Variants in NCAM2 observed in about 807,000 individuals in gnomAD.
NCAM2 encodes the protein N-CAM-2.
Under a neutral mutation model 98.1 loss-of-function variants are expected in NCAM2, and 30 were observed. That is an observed-to-expected ratio of 0.31 (90% CI 0.23 to 0.41). The LOEUF (loss-of-function observed/expected upper bound fraction) is 0.41. NCAM2 is among the 10% of genes least tolerant of loss of function. The pLI, the probability that NCAM2 is intolerant of heterozygous loss-of-function variation, is 1.00. For synonymous variants in NCAM2, 368 were observed against 342.4 expected (o/e 1.07, Z -0.83); for missense variants, 867 against 1,005.8 (o/e 0.86, Z 1.87).
chr21:21,410,116 G>A (rs2076825670), intron 9 of NCAM2, among the ~76,000 whole-genome samples, 158 bp from the exon 10 acceptor site: 1 of 151,702 alleles, frequency 6.6e-6, no homozygotes, highest in Non-Finnish European at 1.5e-5. Context: ...CTGGGCGACA[G>A]GGCGAGACTC....
At chr21:21,151,319 G>A (rs1032437925) in intron 1 of NCAM2, among the ~76,000 whole-genome samples, 2 of 151,918 alleles carry the variant, frequency 1.3e-5, no homozygotes, top group African/African-American at 4.8e-5. Context: ...TGTGCACAAC[G>A]TGCATGTTTG....
intron 15 of NCAM2, among the ~76,000 whole-genome samples, chr21:21,490,221 T>TA (rs199715907): frequency 2.1e-4 from 32 of 149,912 alleles, no homozygotes; most frequent in East Asian, 1.9e-4. Context: ...TCTGTAAAAC[T>TA]AAAAAAAAAC....
chr21:21,523,333 T>G lies in NCAM2; in HGVS notation c.2283-11204T>G, dbSNP rs1447920809. Among the ~76,000 whole-genome samples the G allele has an allele frequency of 4.6e-5, 7 of 151,904 alleles. No individual in the cohort carries two copies. In the East Asian group the frequency reaches 1.4e-3, roughly 29 times the overall value. On this transcript the variant is annotated intron_variant, in intron 16 of 17. Transcript: ENST00000400546. ...GTTTCACGGGTTCAGATCTTAGACT[T>G]AAGTCTCTAATCAATTTTGATTTGA...
chr21:21,029,776 G>C (rs117367734), intron 1 of NCAM2, among the ~76,000 whole-genome samples: 1 of 151,818 alleles, frequency 6.6e-6, no homozygotes, highest in Non-Finnish European at 1.5e-5. Flanking sequence ...GGCTGCAAGT[G>C]CACACCGCCA....
intron 5 of NCAM2, among the ~76,000 whole-genome samples, chr21:21,298,932 G>A (rs992929494): frequency 6.6e-6 from 1 of 150,846 alleles, no homozygotes; most frequent in African/African-American, 2.4e-5. Flanking sequence ...ACAGTCTTCT[G>A]CTTGTTGATT....
chr21:21,133,559 C>G (rs2066979688), intron 1 of NCAM2, among the ~76,000 whole-genome samples: 1 of 152,184 alleles, frequency 6.6e-6, no homozygotes. Flanking sequence ...CTGACCAGTT[C>G]AACAACTGTG....
At chr21:21,013,846 A>G (rs915976166) in intron 1 of NCAM2, among the ~76,000 whole-genome samples, 3 of 152,322 alleles carry the variant, frequency 2.0e-5, no homozygotes, top group East Asian at 1.9e-4. Flanking sequence ...AGCCATCTCC[A>G]TAACATAAAA....
intron 12 of NCAM2, among the ~76,000 whole-genome samples, chr21:21,457,523 C>A (rs575235033): frequency 6.6e-6 from 1 of 152,032 alleles, no homozygotes; most frequent in South Asian, 2.1e-4. Flanking sequence ...GCCTGTAATC[C>A]CAGCTACTCA....
At chr21:21,466,799 T>G (rs1983738126) in intron 13 of NCAM2, 74 bp downstream of exon 13, 28 of 1,439,180 alleles carry the variant, frequency 1.9e-5, no homozygotes, top group Non-Finnish European at 5.7e-6. Context: ...TTTTAAAATG[T>G]AGGGAGATGT....
At chr21:21,018,058 GCTT>G (rs1465744803) in intron 1 of NCAM2, among the ~76,000 whole-genome samples, 1 of 152,016 alleles carries the variant, frequency 6.6e-6, no homozygotes, top group Non-Finnish European at 1.5e-5. Flanking sequence ...GCTGATTTTT[GCTT>G]CTAAGAAGCA....
intron 12 of NCAM2, among the ~76,000 whole-genome samples, chr21:21,454,043 A>G (rs568022387): frequency 2.0e-4 from 31 of 152,084 alleles, no homozygotes; most frequent in Non-Finnish European, 4.0e-4. Flanking sequence ...CTAGTTACAT[A>G]TTGTGGAAAT....
At chr21:21,237,565 G>A (rs548875901) in intron 1 of NCAM2, among the ~76,000 whole-genome samples, 2 of 151,906 alleles carry the variant, frequency 1.3e-5, no homozygotes, top group Admixed American at 1.3e-4. Context: ...TTAAATAAAG[G>A]ATTTATATCC....
chr21:21,408,283 T>A (rs1602246790), intron 9 of NCAM2, among the ~76,000 whole-genome samples: 1 of 152,284 alleles, frequency 6.6e-6, no homozygotes, highest in Admixed American at 6.5e-5. Context: ...GGCAGGTATA[T>A]GCCGAGCTAA....
chr21:21,207,180 A>G (rs1487381812), intron 1 of NCAM2, among the ~76,000 whole-genome samples: 1 of 152,202 alleles, frequency 6.6e-6, no homozygotes, highest in Non-Finnish European at 1.5e-5. Context: ...AGCATTTAAC[A>G]CACATTAATC....
chr21:21,125,556 TA>T (rs2066794034), intron 1 of NCAM2, among the ~76,000 whole-genome samples: 1 of 17,376 alleles, frequency 5.8e-5, no homozygotes, highest in Non-Finnish European at 2.2e-4. Flanking sequence ...CATATATACA[TA>T]TATAATATGC....
Position 21,296,149 on chromosome 21 carries a change from T to C in NCAM2, c.619+3908T>C, listed in dbSNP as rs148885325. ...CACAGCATCATTTCCCTTTAGACAC[T>C]TAGAGTTGTAGCTCAACAATCTGTA... On this transcript the variant is annotated intron_variant, in intron 5 of 17. Coordinates refer to ENST00000400546, the MANE Select transcript of NCAM2 (RefSeq NM_004540.5). Among the ~76,000 whole-genome samples the C allele has an allele frequency of 2.3e-3, 352 of 151,976 alleles. 4 individuals carry two copies. Among genetic ancestry groups the C allele is most frequent in the African/African-American group, 8.0e-3 (332 of 41,522 alleles).
intron 16 of NCAM2, among the ~76,000 whole-genome samples, chr21:21,525,528 T>G (rs1472556970): frequency 6.6e-6 from 1 of 152,058 alleles, no homozygotes; most frequent in Non-Finnish European, 1.5e-5. Context: ...TAATTTATAG[T>G]CTCCCCAGAC....
At chr21:21,251,033 T>A (rs928487711) in intron 1 of NCAM2, among the ~76,000 whole-genome samples, 2 of 152,242 alleles carry the variant, frequency 1.3e-5, no homozygotes, top group Non-Finnish European at 2.9e-5. Flanking sequence ...TTTTAACACC[T>A]GGCTTATCTA....
intron 9 of NCAM2, among the ~76,000 whole-genome samples, chr21:21,409,082 A>G (rs2076803742): frequency 6.6e-6 from 1 of 152,126 alleles, no homozygotes; most frequent in Admixed American, 6.5e-5. Flanking sequence ...AATAATCAGC[A>G]TAAATATGAG....
Sources: gnomAD v4.1 joint callset for allele counts (sites outside exome capture counted in the v4.1 genomes callset) on GRCh38, gnomAD v4.1.1 for gene constraint, MANE v1.5 for transcripts, NCBI Gene and HGNC (gene_info 2026-07-23, HGNC 2026-07-21) for gene names.